Variants in INSR observed in about 807,000 individuals in gnomAD.
INSR encodes IR.
Under a neutral mutation model 142.6 loss-of-function variants are expected in INSR, and 67 were observed. The ratio of observed to expected loss-of-function variants is 0.47; its 90% CI spans 0.39 to 0.58. The LOEUF is 0.58. Ranked by LOEUF, INSR falls within the 20% of genes least tolerant of loss-of-function variation. INSR has a pLI of 0.00. For synonymous variants in INSR, 756 were observed against 743.1 expected, an observed-to-expected ratio of 1.02 and a Z score of -0.28; for missense variants, 1,248 against 1,833.2, an observed-to-expected ratio of 0.68 and a Z score of 5.83.
intron 2 of INSR, among the ~76,000 whole-genome samples, chr19:7,191,323 AAAAG>A (rs746227949): frequency 0.085 from 2,346 of 27,522 alleles, 53 homozygotes; most frequent in African/African-American, 0.18. Flanking sequence ...GAAAGAAAGA[AAAAG>A]AAAGAAAGAA....
At chr19:7,237,542 G>A (rs990433729) in intron 2 of INSR, among the ~76,000 whole-genome samples, 4 of 151,872 alleles carry the variant, frequency 2.6e-5, no homozygotes, top group African/African-American at 7.3e-5. Flanking sequence ...TAGGCTGGGC[G>A]TGGTGGCTCA....
chr19:7,170,059 G>A (rs1297529129), intron 6 of INSR, among the ~76,000 whole-genome samples: 2 of 152,118 alleles, frequency 1.3e-5, no homozygotes, highest in Non-Finnish European at 2.9e-5. Flanking sequence ...GTTACGAACA[G>A]GGCTGTACAG....
At chr19:7,242,892 T>TA (rs917085101) in intron 2 of INSR, among the ~76,000 whole-genome samples, 24 of 152,080 alleles carry the variant, frequency 1.6e-4, no homozygotes, top group African/African-American at 4.8e-4. Context: ...AGAACTCCTC[T>TA]AAAAAAGCAG....
intron 17 of INSR, 109 bp from the exon 18 acceptor site, chr19:7,123,098 T>C (rs1972534730): frequency 1.2e-6 from 1 of 806,394 alleles, no homozygotes. Flanking sequence ...GTGGCCTGGA[T>C]GCAGCGTGCT....
At chr19:7,161,473 C>A (rs1973747378) in intron 9 of INSR, among the ~76,000 whole-genome samples, 1 of 152,074 alleles carries the variant, frequency 6.6e-6, no homozygotes, top group East Asian at 1.9e-4. Flanking sequence ...TGGTCTCAAA[C>A]TCCCGGCCTC....
rs929392930 is a variant in INSR at position 7,170,826 on chromosome 19, G to A, written c.1269-75C>T. ...ACTCCAAGATGGTGTGGCCATGCTC[G>A]GAGTTGATCTTGTTCAGTGCTACGT... On this transcript the variant is annotated intron_variant, in intron 5 of 21. Coordinates refer to ENST00000302850, the MANE Select transcript of INSR (RefSeq NM_000208.4). 1.0e-4 allele frequency: 119 copies of A among 1,177,510 alleles called. 2 individuals carry two copies. The South Asian group carries it at 1.2e-3, about 12-fold the overall frequency. 72.9% of individuals were successfully genotyped at this position (1,177,510 alleles called of 1,614,324 possible).
intron 2 of INSR, among the ~76,000 whole-genome samples, chr19:7,232,192 C>T (rs1189369212): frequency 2.7e-5 from 4 of 147,230 alleles, no homozygotes; most frequent in East Asian, 2.0e-4. Context: ...GAACTCAATG[C>T]TTCAGATCTG....
At chr19:7,268,006 G>A in intron 1 of INSR, 110 bp from the exon 2 acceptor site, 1 of 936,752 alleles carries the variant, frequency 1.1e-6, no homozygotes, top group Non-Finnish European at 1.7e-6. Context: ...TGGGCCCTGT[G>A]TTTTCATCCC....
Position 7,120,723 on chromosome 19 carries a change from C to A in INSR, c.3556G>T (p.Glu1186Ter). 1 of 1,614,092 alleles carries A rather than the reference C, an allele frequency of 6.2e-7. No homozygotes were observed. The highest frequency in any genetic ancestry group is 2.2e-5 in the East Asian group (1 of 44,862). The change falls in exon 20 of 22, where the codon GAA (glutamate) becomes TAA (stop). Residue 1186 changes from glutamate to a stop codon, truncating the protein, a stop_gained. Transcript: ENST00000302850. LOFTEE classifies it high-confidence loss of function. ...CCCCCTTTCCGGTAGTAATCCGTTT[C>A]ATAGATGTCTCTGGTCATTCCAAAG... is the stretch of plus-strand genomic sequence containing the variant. ...GDFGMTRDIY[E>*]TDYYRKGGKG...
chr19:7,213,915 G>A (rs368504812), intron 2 of INSR, among the ~76,000 whole-genome samples: 5 of 152,160 alleles, frequency 3.3e-5, no homozygotes, highest in Non-Finnish European at 5.9e-5. Flanking sequence ...GCTTGAACCC[G>A]GGAGGCAGAG....
intron 21 of INSR, among the ~76,000 whole-genome samples, chr19:7,117,633 G>A (rs975827750): frequency 3.9e-5 from 6 of 152,130 alleles, no homozygotes; most frequent in East Asian, 1.9e-4. Context: ...TGGACACAGC[G>A]TCTCATTCTG....
At chr19:7,206,874 T>A (rs1471289312) in intron 2 of INSR, among the ~76,000 whole-genome samples, 1 of 152,144 alleles carries the variant, frequency 6.6e-6, no homozygotes, top group African/African-American at 2.4e-5. Flanking sequence ...CCTGATGACA[T>A]CTAAATCCCC....
At chr19:7,222,127 T>TTAAA (rs1356174716) in intron 2 of INSR, among the ~76,000 whole-genome samples, 4 of 126,320 alleles carry the variant, frequency 3.2e-5, no homozygotes, top group Non-Finnish European at 6.4e-5. Context: ...ATGTCCTCGG[T>TTAAA]AAAAAAAAAA....
At chr19:7,250,467 AAAG>A (rs1380691426) in intron 2 of INSR, among the ~76,000 whole-genome samples, 38 of 75,122 alleles carry the variant, frequency 5.1e-4, no homozygotes, top group South Asian at 2.6e-3. Context: ...GGAAGAAAAG[AAAG>A]AAAGAAAAGA....
In INSR at chr19:7,244,532, C is replaced by CAAAAAAAAAAAAA. The variant is rs367586146; in HGVS notation, c.652+22812_652+22813insTTTTTTTTTTTTT. Among the ~76,000 whole-genome samples the CAAAAAAAAAAAAA allele has an allele frequency of 9.9e-4, 143 of 145,088 alleles. 1 individual carries two copies. Among genetic ancestry groups the CAAAAAAAAAAAAA allele is most frequent in the African/African-American group, 3.4e-3 (126 of 37,566 alleles). On this transcript the variant is annotated intron_variant, in intron 2 of 21. Transcript: ENST00000302850. ...TGGGTGACAGGGCGAGACTCTGTCT[C>CAAAAAAAAAAAAA]AAAAAGAAAAAAAAAGATTTGAGCA...
intron 2 of INSR, among the ~76,000 whole-genome samples, chr19:7,234,561 G>A (rs1976097313): frequency 1.3e-5 from 2 of 152,082 alleles, no homozygotes; most frequent in African/African-American, 2.4e-5. Flanking sequence ...CAAACACTAC[G>A]CCATTTTATG....
In INSR at chr19:7,173,545, C is replaced by T. The variant is rs182816341; in HGVS notation, c.1123+1038G>A. ...TGTTGGCTGGTCTCAAACTTCTGAC[C>T]TCAAGTGATCCGCCCACCTCAGCCT... On this transcript the variant is annotated intron_variant, in intron 4 of 21. Coordinates refer to ENST00000302850, the MANE Select transcript of INSR (RefSeq NM_000208.4). Among the ~76,000 whole-genome samples, 7 of 150,776 alleles carry T rather than the reference C, an allele frequency of 4.6e-5. No individual in the cohort carries two copies. In the East Asian group the frequency reaches 1.4e-3, roughly 29 times the overall value.
At chr19:7,176,167 A>T (rs1974130748) in intron 3 of INSR, among the ~76,000 whole-genome samples, 1 of 152,132 alleles carries the variant, frequency 6.6e-6, no homozygotes, top group South Asian at 2.1e-4. Context: ...CTCATGTCAA[A>T]TTGTAATCCC....
At chr19:7,291,762 A>T (rs1045413688) in intron 1 of INSR, among the ~76,000 whole-genome samples, 7 of 152,058 alleles carry the variant, frequency 4.6e-5, no homozygotes, top group African/African-American at 1.7e-4. Flanking sequence ...GCACACATAG[A>T]ATCTGGCATA....
Sources: gnomAD v4.1 joint callset for allele counts (sites outside exome capture counted in the v4.1 genomes callset) on GRCh38, gnomAD v4.1.1 for gene constraint, MANE v1.5 for transcripts, NCBI Gene and HGNC (gene_info 2026-07-23, HGNC 2026-07-21) for gene names.